The following ZNF462 variants were observed in gnomAD, a reference collection of about 807,000 sequenced individuals.
ZNF462 encodes the protein zinc finger PBX1-interacting protein.
ZNF462 carries 10 observed loss-of-function variants against 201.9 expected under a neutral mutation model. That is an observed-to-expected ratio of 0.05 (90% CI 0.03 to 0.08). The LOEUF (loss-of-function observed/expected upper bound fraction) is 0.08, where lower values mean the gene tolerates loss of function less well. Ranked by LOEUF, ZNF462 falls within the 10% of genes least tolerant of loss-of-function variation. The probability of loss-of-function intolerance (pLI) is 1.00; values close to 1 mark genes in which losing one functional copy is unlikely to be tolerated. For missense variants in ZNF462, 2,523 were observed against 3,168.3 expected, an observed-to-expected ratio of 0.80 and a Z score of 4.89; for synonymous variants, 1,227 against 1,193.3, an observed-to-expected ratio of 1.03 and a Z score of -0.58.
chr9:106,907,965 C>G (rs1489574339), intron 1 of ZNF462, among the ~76,000 whole-genome samples: 3 of 151,952 alleles, frequency 2.0e-5, no homozygotes, highest in Non-Finnish European at 4.4e-5. Context: ...CCAGAAATTA[C>G]TTAGGAGAAT....
Position 106,937,618 on chromosome 9 carries a change from G to A in ZNF462, c.6236-1298G>A, listed in dbSNP as rs138141766. Among the ~76,000 whole-genome samples the A allele has an allele frequency of 7.0e-3, 1,067 of 152,096 alleles. 18 individuals carry two copies. The highest frequency in any genetic ancestry group is 0.024 in the African/African-American group (1,014 of 41,488). On this transcript the variant is annotated intron_variant, in intron 6 of 12. Coordinates refer to ENST00000277225, the MANE Select transcript of ZNF462 (RefSeq NM_021224.6). ...TCATTCATAATCTTGTTATCTAAAC[G>A]CCACTGTTGTTAACATTTCATATAT... is the stretch of plus-strand genomic sequence containing the variant.
At chr9:106,961,281 C>T (rs913439308) in intron 7 of ZNF462, among the ~76,000 whole-genome samples, 11 of 152,056 alleles carry the variant, frequency 7.2e-5, no homozygotes, top group Non-Finnish European at 1.5e-4. Flanking sequence ...GATTTAGGGG[C>T]AAGACTAGAA....
Position 106,963,361 on chromosome 9 carries a change from T to C in ZNF462, c.6428-8644T>C, listed in dbSNP as rs12349283. Among the ~76,000 whole-genome samples the C allele has an allele frequency of 7.6e-3, 1,161 of 152,210 alleles. 9 individuals carry two copies. Among genetic ancestry groups the C allele is most frequent in the African/African-American group, 0.026 (1,068 of 41,542 alleles). On this transcript the variant is annotated intron_variant, in intron 7 of 12. Transcript: ENST00000277225. The surrounding 1 kb of genome is among the most constrained non-coding windows in gnomAD (Gnocchi z 4.7). ...TAAAACAATATATATGTATCTGGACTTAACAAAGTTGTCCACAAGTTTAAT... is the reference window on the plus strand; with the variant it reads ...TAAAACAATATATATGTATCTGGACCTAACAAAGTTGTCCACAAGTTTAAT...
In ZNF462 at chr9:106,913,605, CTT is replaced by C. The variant is rs35407666; in HGVS notation, c.-30-9738_-30-9737del. 2.2e-5 allele frequency among the ~76,000 whole-genome samples: 3 copies of C among 135,900 alleles called. No individual in the cohort carries two copies. The highest frequency in any genetic ancestry group is 5.0e-5 in the African/African-American group (2 of 39,772). 89.2% of individuals were successfully genotyped at this position (135,900 alleles called of 152,430 possible). A position where few individuals can be genotyped will look rare whatever the true frequency, so the allele number is the denominator to read the frequency against. On this transcript the variant is annotated intron_variant, in intron 1 of 12. Coordinates refer to ENST00000277225, the MANE Select transcript of ZNF462 (RefSeq NM_021224.6). This position sits in a 1 kb window ranked among gnomAD's most constrained non-coding sequence, Gnocchi z 4.1. ...CAGAGGTCACATGCTAAAGACTTAA[CTT>C]TTTTTTTTTTGAGACAATCTCATTC...
rs1456518667 is a variant in ZNF462 at position 106,938,787 on chromosome 9, T to C, written c.6236-129T>C. ...GCAGGTTGTTGGTCTGTGAGGTTCGTTCATAGAACATGAAGCTTGAGATGC... is the reference window on the plus strand; with the variant it reads ...GCAGGTTGTTGGTCTGTGAGGTTCGCTCATAGAACATGAAGCTTGAGATGC... On this transcript the variant is annotated intron_variant, in intron 6 of 12. Coordinates refer to ENST00000277225, the MANE Select transcript of ZNF462 (RefSeq NM_021224.6). The surrounding 1 kb of genome is among the most constrained non-coding windows in gnomAD (Gnocchi z 4.4). The C allele has an allele frequency of 1.1e-5, 11 of 1,005,018 alleles. No individual in the cohort carries two copies. Among genetic ancestry groups the C allele is most frequent in the Non-Finnish European group, 1.3e-5 (9 of 695,022 alleles). 62.3% of individuals were successfully genotyped at this position (1,005,018 alleles called of 1,614,324 possible).
Position 106,885,709 on chromosome 9 carries a change from T to C in ZNF462, c.-31+22354T>C, listed in dbSNP as rs1828286463. 6.6e-6 allele frequency among the ~76,000 whole-genome samples: 1 copy of C among 152,184 alleles called. No individual in the cohort carries two copies. The highest frequency in any genetic ancestry group is 2.1e-4 in the South Asian group (1 of 4,830). On this transcript the variant is annotated intron_variant, in intron 1 of 12. Coordinates refer to ENST00000277225, the MANE Select transcript of ZNF462 (RefSeq NM_021224.6). This position sits in a 1 kb window ranked among gnomAD's most constrained non-coding sequence, Gnocchi z 4.1. ...TGCCCCAGCAGAACTCAGCATTAGG[T>C]CACCCTTTAGGCGTATGGTGCAGAG...
At chr9:106,989,680 T>C (rs56088602) in intron 10 of ZNF462, among the ~76,000 whole-genome samples, 7,116 of 152,178 alleles carry the variant, frequency 0.047, 222 homozygotes, top group Non-Finnish European at 0.073. Context: ...TGGACTTTTT[T>C]TGTTGGTAAT....
intron 10 of ZNF462, among the ~76,000 whole-genome samples, chr9:106,990,707 A>G (rs1286050094): frequency 1.3e-5 from 2 of 152,018 alleles, no homozygotes; most frequent in Admixed American, 6.6e-5. Context: ...TGCATGCCTA[A>G]TGATTCTCAT....
At chr9:106,874,258 G>C (rs931271874) in intron 1 of ZNF462, among the ~76,000 whole-genome samples, 1 of 152,186 alleles carries the variant, frequency 6.6e-6, no homozygotes, top group African/African-American at 2.4e-5. Context: ...AGCGTAAACT[G>C]TGACCCTAGG....
chr9:106,918,540 G>C (rs1390784061), intron 1 of ZNF462, among the ~76,000 whole-genome samples: 1 of 152,204 alleles, frequency 6.6e-6, no homozygotes, highest in African/African-American at 2.4e-5. Context: ...CATAACAAGT[G>C]TAAATGATTA....
At position 106,950,344 on chromosome 9, in the gene ZNF462, T is replaced by A. The variant is rs1213974933; in HGVS notation, c.6427+11237T>A. ...CAACCAATGTGCTAGAAGTTGCAAATAGCTGCAGTCTATCTTACTTGTCCC... is the reference window on the plus strand; with the variant it reads ...CAACCAATGTGCTAGAAGTTGCAAAAAGCTGCAGTCTATCTTACTTGTCCC... On this transcript the variant is annotated intron_variant, in intron 7 of 12. Transcript: ENST00000277225. The surrounding 1 kb of genome is among the most constrained non-coding windows in gnomAD (Gnocchi z 4.1). Among the ~76,000 whole-genome samples, 1 of 152,222 alleles carries A rather than the reference T, an allele frequency of 6.6e-6. No homozygotes were observed. Among genetic ancestry groups the A allele is most frequent in the African/African-American group, 2.4e-5 (1 of 41,456 alleles).
At chr9:106,996,213 T>C (rs9695567) in intron 10 of ZNF462, among the ~76,000 whole-genome samples, 41,412 of 151,800 alleles carry the variant, frequency 0.27, 8,753 homozygotes, top group African/African-American at 0.6. Context: ...TCCAGTCTAT[T>C]ATTGATGGAC....
chr9:106,944,499 T>C (rs1831018505), intron 7 of ZNF462, among the ~76,000 whole-genome samples: 1 of 152,206 alleles, frequency 6.6e-6, no homozygotes, highest in South Asian at 2.1e-4. Flanking sequence ...GATACATGCA[T>C]ATGATGTGTA....
chr9:106,956,560 G>A (rs1186860535), intron 7 of ZNF462, among the ~76,000 whole-genome samples: 1 of 152,102 alleles, frequency 6.6e-6, no homozygotes, highest in Non-Finnish European at 1.5e-5. Flanking sequence ...CCTGTCCTTC[G>A]GAGCTTTGAA....
intron 7 of ZNF462, among the ~76,000 whole-genome samples, chr9:106,953,788 A>G (rs1483211212): frequency 6.6e-6 from 1 of 151,988 alleles, no homozygotes; most frequent in African/African-American, 2.4e-5. Context: ...GTCTCATTCA[A>G]CCTTCATTTC....
chr9:106,900,736 T>G (rs1829031065), intron 1 of ZNF462, among the ~76,000 whole-genome samples: 1 of 152,158 alleles, frequency 6.6e-6, no homozygotes, highest in Non-Finnish European at 1.5e-5. Flanking sequence ...GATGGGATTG[T>G]TGTTTTCTTA....
chr9:106,921,005 A>G (rs563131008), intron 1 of ZNF462, among the ~76,000 whole-genome samples: 22 of 152,180 alleles, frequency 1.4e-4, no homozygotes, highest in Non-Finnish European at 2.6e-4. Flanking sequence ...AGGAATAGCT[A>G]CAGCCTTTGT....
At chr9:106,888,478 G>A (rs1017232507) in intron 1 of ZNF462, among the ~76,000 whole-genome samples, 2 of 152,216 alleles carry the variant, frequency 1.3e-5, no homozygotes, top group Non-Finnish European at 1.5e-5. Context: ...GTCTGTTAAC[G>A]TCTAATTTGA....
In ZNF462 at chr9:106,924,574, C is replaced by T. The variant is rs561253375; in HGVS notation, c.662C>T (p.Ala221Val). The T allele has an allele frequency of 2.5e-5, 41 of 1,614,194 alleles. No homozygotes were observed. The South Asian group carries it at 4.4e-4, about 17-fold the overall frequency. Residue 221 changes from alanine (A) to valine (V), a missense_variant, in exon 3 of 13, where the codon GCA becomes GTA. By Grantham distance (64) the Ala-to-Val change is moderately conservative. Around this residue, in one of 15 missense-constraint regions of ZNF462, gnomAD observed 480 missense variants for 544.4 expected, o/e 0.88. Transcript: ENST00000277225. This position sits in a 1 kb window ranked among gnomAD's most constrained non-coding sequence, Gnocchi z 6.2. Reference protein sequence around the residue: ...SLQDPCKELPAEVVERSILES... With the variant: ...SLQDPCKELPVEVVERSILES... ...CAGGACCCCTGCAAGGAACTGCCAG[C>T]AGAGGTTGTGGAGCGCAGCATCTTA... is the stretch of plus-strand genomic sequence containing the variant.
Sources: gnomAD v4.1 joint callset for allele counts (sites outside exome capture counted in the v4.1 genomes callset) on GRCh38, gnomAD v4.1.1 for gene constraint, gnomAD v4.1.1 regional missense constraint, Gnocchi (gnomAD v3.1) non-coding constraint, MANE v1.5 for transcripts, NCBI Gene and HGNC (gene_info 2026-07-23, HGNC 2026-07-21) for gene names.